The following GNA11 variants were observed in gnomAD, a reference collection of about 807,000 sequenced individuals.
GNA11 encodes the protein guanine nucleotide-binding protein subunit alpha-11.
Under a neutral mutation model 38.2 loss-of-function variants are expected in GNA11, and 8 were observed. The observed-to-expected ratio is 0.21, with a 90% confidence interval of 0.12 to 0.38. The LOEUF is 0.38. GNA11 is among the 10% of genes least tolerant of loss of function. GNA11 has a pLI of 1.00. For synonymous variants in GNA11, 211 were observed against 221.4 expected, an observed-to-expected ratio of 0.95 and a Z score of 0.42; for missense variants, 268 against 516.3, an observed-to-expected ratio of 0.52 and a Z score of 4.66.
chr19:3,113,869 C>G (rs72975292), intron 3 of GNA11, among the ~76,000 whole-genome samples: 3,880 of 152,294 alleles, frequency 0.025, 67 homozygotes, highest in Admixed American at 0.031. Context: ...CTCGCTCCTG[C>G]CTGGGACATC....
rs150293267 is a variant in GNA11, at chr19:3,110,114, G to C, written c.137-35G>C. ...GGCAGCAGCACGAGAGTCAGGCCCC[G>C]GCTGCCGCCCGCCCTCACGTGCCCC... is the stretch of plus-strand genomic sequence containing the variant. On this transcript the variant is annotated intron_variant, in intron 1 of 6. Coordinates refer to ENST00000078429, the MANE Select transcript of GNA11 (RefSeq NM_002067.5). The surrounding 1 kb of genome is among the most constrained non-coding windows in gnomAD (Gnocchi z 5.4). 6.5e-7 allele frequency: 1 copy of C among 1,543,616 alleles called. No homozygotes were observed. The highest frequency in any genetic ancestry group is 8.8e-7 in the Non-Finnish European group (1 of 1,138,648).
At chr19:3,103,981 G>A (rs1913572679) in intron 1 of GNA11, among the ~76,000 whole-genome samples, 1 of 152,178 alleles carries the variant, frequency 6.6e-6, no homozygotes, top group Non-Finnish European at 1.5e-5. Context: ...CACCATGCCT[G>A]GCCATTTTTG....
At chr19:3,115,737 C>T (rs1599305444) in intron 4 of GNA11, among the ~76,000 whole-genome samples, 5 of 72,222 alleles carry the variant, frequency 6.9e-5, no homozygotes, top group Admixed American at 1.8e-4. Context: ...TCATGGGGAC[C>T]GAGGCTGTGA....
At position 3,110,138 on chromosome 19, in the gene GNA11, C is replaced by T. The variant is rs772594536; in HGVS notation, c.137-11C>T. The T allele has an allele frequency of 6.3e-6, 10 of 1,589,534 alleles. No homozygotes were observed. Among genetic ancestry groups the T allele is most frequent in the Non-Finnish European group, 8.5e-6 (10 of 1,170,042 alleles). ...CGGCTGCCGCCCGCCCTCACGTGCCCCGTCCCCCAGGCACGGGCGAGAGCG... is the reference window on the plus strand; with the variant it reads ...CGGCTGCCGCCCGCCCTCACGTGCCTCGTCCCCCAGGCACGGGCGAGAGCG... On this transcript the variant is annotated splice_polypyrimidine_tract_variant and intron_variant, in intron 1 of 6. Transcript: ENST00000078429. This position sits in a 1 kb window ranked among gnomAD's most constrained non-coding sequence, Gnocchi z 5.4.
At chr19:3,100,488 G>A (rs1039045350) in intron 1 of GNA11, among the ~76,000 whole-genome samples, 1 of 152,236 alleles carries the variant, frequency 6.6e-6, no homozygotes, top group East Asian at 1.9e-4. Flanking sequence ...GTCATTGGCT[G>A]ACTGAAGGCA....
At chr19:3,099,439 T>G (rs1195855071) in intron 1 of GNA11, among the ~76,000 whole-genome samples, 1 of 152,130 alleles carries the variant, frequency 6.6e-6, no homozygotes, top group Non-Finnish European at 1.5e-5. Context: ...AGAAATTAAG[T>G]CCTTTCGCAG....
rs1163458352 is a variant in GNA11 at position 3,110,208 on chromosome 19, G to A, written c.196G>A (p.Gly66Ser). 3.7e-6 allele frequency: 6 copies of A among 1,613,590 alleles called. No individual in the cohort carries two copies. The highest frequency in any genetic ancestry group is 2.2e-5 in the East Asian group (1 of 44,846). ...IKQMRIIHGA[G>S]YSEEDKRGFT... is the part of the protein sequence containing the mutation. ...GCAGATGCGCATCATCCACGGCGCC[G>A]GCTACTCGGAGGAGGACAAGCGCGG... The change falls in exon 2 of 7, where the codon GGC (glycine) becomes AGC (serine). Residue 66 changes from glycine to serine, a missense_variant. Coordinates refer to ENST00000078429, the MANE Select transcript of GNA11 (RefSeq NM_002067.5). The surrounding 1 kb of genome is among the most constrained non-coding windows in gnomAD (Gnocchi z 5.4).
Position 3,122,329 on chromosome 19 carries a change from C to CG in GNA11, c.*1154dup, listed in dbSNP as rs551700439. On this transcript the variant is annotated 3_prime_UTR_variant, in exon 7 of 7. Coordinates refer to ENST00000078429, the MANE Select transcript of GNA11 (RefSeq NM_002067.5). This position sits in a 1 kb window ranked among gnomAD's most constrained non-coding sequence, Gnocchi z 7.7. The stretch of plus-strand genomic sequence containing the variant: ...TGCGCCCGCCCCCGAGCGCCGCCCC[C>CG]GGGGAGCGGGAAGCCAGCACTCGCA... The CG allele has an allele frequency of 3.4e-3, 788 of 232,296 alleles. No homozygotes were observed. The highest frequency in any genetic ancestry group is 0.016 in the African/African-American group (723 of 45,294). The allele number at this position is 232,296 out of a possible 1,614,324, so 14.4% of individuals were successfully genotyped here. A position where few individuals can be genotyped will look rare whatever the true frequency, so the allele number is the denominator to read the frequency against.
chr19:3,112,064 G>A (rs1190947865), intron 2 of GNA11, among the ~76,000 whole-genome samples: 1 of 151,842 alleles, frequency 6.6e-6, no homozygotes, highest in Non-Finnish European at 1.5e-5. Context: ...ACCCATTTCT[G>A]CCATGTTGCC....
chr19:3,121,379 T>C lies in GNA11; in HGVS notation c.*200T>C, dbSNP rs1312329737. On this transcript the variant is annotated 3_prime_UTR_variant, in exon 7 of 7. Coordinates refer to ENST00000078429, the MANE Select transcript of GNA11 (RefSeq NM_002067.5). ...GATGTACATCTCTCCCTCCGTACAC[T>C]TCGCGCACCTTCTCACCTTTTGTCA... 3 of 420,436 alleles carry C rather than the reference T, an allele frequency of 7.1e-6. No individual in the cohort carries two copies. Among genetic ancestry groups the C allele is most frequent in the East Asian group, 3.6e-5 (1 of 27,858 alleles). The allele number at this position is 420,436 out of a possible 1,614,324, so 26.0% of individuals were successfully genotyped here. A position where few individuals can be genotyped will look rare whatever the true frequency, so the allele number is the denominator to read the frequency against.
At chr19:3,114,615 G>A (rs886537525) in intron 3 of GNA11, among the ~76,000 whole-genome samples, 6 of 152,168 alleles carry the variant, frequency 3.9e-5, no homozygotes, top group East Asian at 1.9e-4. Flanking sequence ...CTGGGTCACC[G>A]TCTCCCTCCT....
rs1211672723 is a variant in GNA11 at position 3,099,157 on chromosome 19, C to G, written c.136+4370C>G. Among the ~76,000 whole-genome samples the G allele has an allele frequency of 2.0e-5, 3 of 152,174 alleles. No homozygotes were observed. The East Asian group carries it at 5.8e-4, about 29-fold the overall frequency. On this transcript the variant is annotated intron_variant, in intron 1 of 6. Transcript: ENST00000078429. ...GGGCAGCACGGGGAGGACGCCGTGG[C>G]ATCAGGAGGTTGGAGAGGTGTGTGG...
intron 1 of GNA11, among the ~76,000 whole-genome samples, chr19:3,109,945 G>C (rs1913729814): frequency 1.3e-5 from 2 of 152,144 alleles, no homozygotes; most frequent in Non-Finnish European, 2.9e-5. Flanking sequence ...TAAGACCCTG[G>C]CTTGGTGGAA....
At chr19:3,114,588 T>C (rs1913858733) in intron 3 of GNA11, among the ~76,000 whole-genome samples, 1 of 152,156 alleles carries the variant, frequency 6.6e-6, no homozygotes, top group South Asian at 2.1e-4. Context: ...CAGGCCTCTC[T>C]CGGGAAGTCC....
At chr19:3,115,267 T>C in intron 4 of GNA11, 195 bp downstream of exon 4, 1 of 552,986 alleles carries the variant, frequency 1.8e-6, no homozygotes, top group Non-Finnish European at 3.2e-6. Flanking sequence ...TAGCTGGGCG[T>C]GGTTGTGTGC....
chr19:3,103,136 C>T lies in GNA11; in HGVS notation c.137-7013C>T, dbSNP rs150682550. On this transcript the variant is annotated intron_variant, in intron 1 of 6. Coordinates refer to ENST00000078429, the MANE Select transcript of GNA11 (RefSeq NM_002067.5). ...CCCTGGAAGTCTGACTCCCAGGTGT[C>T]GGCTCCCAGGTCTCAGCCCTGCCAC... 5.9e-3 allele frequency among the ~76,000 whole-genome samples: 901 copies of T among 152,278 alleles called. 8 individuals carry two copies. Among genetic ancestry groups the T allele is most frequent in the Middle Eastern group, 0.01 (3 of 294 alleles).
At position 3,121,892 on chromosome 19, in the gene GNA11, A is replaced by G. The variant is rs1200850262; in HGVS notation, c.*713A>G. 1 of 232,156 alleles carries G rather than the reference A, an allele frequency of 4.3e-6. No individual in the cohort carries two copies. Among genetic ancestry groups the G allele is most frequent in the Non-Finnish European group, 8.5e-6 (1 of 117,332 alleles). The allele number at this position is 232,156 out of a possible 1,614,324, so 14.4% of individuals were successfully genotyped here. On this transcript the variant is annotated 3_prime_UTR_variant, in exon 7 of 7. Coordinates refer to ENST00000078429, the MANE Select transcript of GNA11 (RefSeq NM_002067.5). ...AGAACGCCTGACTCACAGGTTGAAG[A>G]AACACCCTGGGCCCTCTCTCATGGC...
At chr19:3,111,500 G>A (rs946028821) in intron 2 of GNA11, among the ~76,000 whole-genome samples, 6 of 152,328 alleles carry the variant, frequency 3.9e-5, no homozygotes, top group South Asian at 2.1e-4. Flanking sequence ...TCAGAGCCTC[G>A]TCCCTGTTCA....
intron 4 of GNA11, among the ~76,000 whole-genome samples, chr19:3,116,618 A>C (rs752796960): frequency 6.6e-6 from 1 of 152,180 alleles, no homozygotes; most frequent in Non-Finnish European, 1.5e-5. Context: ...TATCCTAACC[A>C]GTGACATCCG....
Sources: gnomAD v4.1 joint callset for allele counts (sites outside exome capture counted in the v4.1 genomes callset) on GRCh38, gnomAD v4.1.1 for gene constraint, Gnocchi (gnomAD v3.1) non-coding constraint, MANE v1.5 for transcripts, NCBI Gene and HGNC (gene_info 2026-07-23, HGNC 2026-07-21) for gene names.